PAK1: variants seen among roughly 807,000 people sequenced by gnomAD.
PAK1 encodes p21 (RAC1) activated kinase 1.
Under a neutral mutation model 67.4 loss-of-function variants are expected in PAK1, and 29 were observed. The ratio of observed to expected loss-of-function variants is 0.43; its 90% confidence interval spans 0.32 to 0.59. PAK1 has a LOEUF of 0.59. Ranked by LOEUF, PAK1 falls within the 20% of genes least tolerant of loss-of-function variation. The pLI, the probability that PAK1 is intolerant of heterozygous loss-of-function variation, is 0.07. For missense variants in PAK1, 337 were observed against 670.7 expected, an observed-to-expected ratio of 0.50 and a Z score of 5.50; for synonymous variants, 223 against 237.4, an observed-to-expected ratio of 0.94 and a Z score of 0.56.
At chr11:77,505,039 A>G in the PAK1 span, among the ~76,000 whole-genome samples, 1 of 152,246 alleles carries the variant, frequency 6.6e-6, no homozygotes, top group African/African-American at 2.4e-5. Flanking sequence ...ACAAGGCTAA[A>G]ACTGCTTCTC....
intron 1 of PAK1, among the ~76,000 whole-genome samples, chr11:77,408,567 A>ACT (rs1954004686): frequency 6.6e-6 from 1 of 151,110 alleles, no homozygotes; most frequent in Non-Finnish European, 1.5e-5. Context: ...ACACACACAC[A>ACT]CACTCCACAT....
Position 77,325,408 on chromosome 11 carries a change from C to T in PAK1, c.1552-2048G>A, listed in dbSNP as rs534432502. The T allele has an allele frequency of 6.2e-6, 10 of 1,609,070 alleles. No individual in the cohort carries two copies. In the Admixed American group the frequency reaches 1.5e-4, roughly 24 times the overall value. ...AAATGAGAATAGAACCTATGACTCA[C>T]AGAGTTGTTGTAAAGGACAATATAT... On this transcript the variant is annotated intron_variant, in intron 14 of 14. Coordinates refer to ENST00000356341, the MANE Select transcript of PAK1 (RefSeq NM_002576.5).
At chr11:77,449,604 G>A (rs1239093475) in intron 1 of PAK1, among the ~76,000 whole-genome samples, 1 of 149,818 alleles carries the variant, frequency 6.7e-6, no homozygotes, top group African/African-American at 2.5e-5. Context: ...AATGAGACAC[G>A]AAGATCTTTA....
chr11:77,489,655 T>C, the PAK1 span, among the ~76,000 whole-genome samples: 1 of 151,942 alleles, frequency 6.6e-6, no homozygotes, highest in Non-Finnish European at 1.5e-5. Flanking sequence ...TTCACTGTGT[T>C]GGCCGGGCTG....
chr11:77,446,319 C>T (rs554072447), intron 1 of PAK1, among the ~76,000 whole-genome samples: 36 of 152,124 alleles, frequency 2.4e-4, no homozygotes, highest in African/African-American at 7.9e-4. Flanking sequence ...CGAGACCAGC[C>T]TGGCCAACAT....
chr11:77,417,555 T>A (rs1955035061), intron 1 of PAK1, among the ~76,000 whole-genome samples: 1 of 152,194 alleles, frequency 6.6e-6, no homozygotes, highest in Non-Finnish European at 1.5e-5. Flanking sequence ...TAATCGTGGA[T>A]ACACATACTA....
intron 1 of PAK1, among the ~76,000 whole-genome samples, chr11:77,436,371 T>A (rs1416863206): frequency 6.6e-6 from 1 of 152,218 alleles, no homozygotes; most frequent in East Asian, 1.9e-4. Context: ...ATGATAGGCA[T>A]GTGGCAAGCA....
the PAK1 span, among the ~76,000 whole-genome samples, chr11:77,512,997 G>A: frequency 0.016 from 2,374 of 152,268 alleles, 55 homozygotes; most frequent in African/African-American, 0.055. Flanking sequence ...GGGAAGCTGA[G>A]GTGGGAGGAT....
chr11:77,394,647 C>A (rs957671133), intron 1 of PAK1, among the ~76,000 whole-genome samples: 27 of 152,084 alleles, frequency 1.8e-4, no homozygotes, highest in African/African-American at 6.5e-4. Context: ...GAGATTGAGA[C>A]CATCCTGGCC....
In PAK1 at chr11:77,325,444, G is replaced by C. The variant is rs1399690890; in HGVS notation, c.1552-2084C>G. 2.6e-6 allele frequency: 4 copies of C among 1,513,652 alleles called. No individual in the cohort carries two copies. The African/African-American group carries it at 4.1e-5, about 16-fold the overall frequency. The allele number at this position is 1,513,652 out of a possible 1,614,324, so 93.8% of individuals were successfully genotyped here. A position where few individuals can be genotyped will look rare whatever the true frequency, so the allele number is the denominator to read the frequency against. Reference sequence around the variant, plus strand: ...TAAAGGACAATATATAAAGTGCTTAGTGCCTAAATATATAAAGTGTTTAGT... The same window carrying C: ...TAAAGGACAATATATAAAGTGCTTACTGCCTAAATATATAAAGTGTTTAGT... On this transcript the variant is annotated intron_variant, in intron 14 of 14. Coordinates refer to ENST00000356341, the MANE Select transcript of PAK1 (RefSeq NM_002576.5).
chr11:77,498,097 A>G, the PAK1 span, among the ~76,000 whole-genome samples: 2 of 152,198 alleles, frequency 1.3e-5, no homozygotes, highest in Admixed American at 1.3e-4. Context: ...AACGTAGAAC[A>G]GAAAAAGGAC....
intron 13 of PAK1, among the ~76,000 whole-genome samples, chr11:77,333,297 A>C (rs1942064988): frequency 6.7e-6 from 1 of 149,118 alleles, no homozygotes; most frequent in Admixed American, 6.8e-5. Flanking sequence ...TCCCAGGTTC[A>C]AGCAATTCTC....
At chr11:77,355,548 C>T in intron 7 of PAK1, 120 bp downstream of exon 7, 1 of 752,278 alleles carries the variant, frequency 1.3e-6, no homozygotes, top group Non-Finnish European at 2.3e-6. Flanking sequence ...GAGAAGCAGT[C>T]TGTGCCTAAG....
chr11:77,447,996 C>T (rs186996388), intron 1 of PAK1, among the ~76,000 whole-genome samples: 1 of 152,326 alleles, frequency 6.6e-6, no homozygotes, highest in East Asian at 1.9e-4. Context: ...GCATTAAACA[C>T]ATCTACATAC....
At chr11:77,366,572 T>A (rs1947613917) in intron 5 of PAK1, among the ~76,000 whole-genome samples, 1 of 152,186 alleles carries the variant, frequency 6.6e-6, no homozygotes, top group Non-Finnish European at 1.5e-5. Flanking sequence ...GTAGATTGTA[T>A]ATAAATGGCC....
chr11:77,386,562 C>G (rs1029869586), intron 2 of PAK1, among the ~76,000 whole-genome samples: 5 of 152,144 alleles, frequency 3.3e-5, no homozygotes, highest in African/African-American at 1.2e-4. Context: ...TATGCATCCC[C>G]CAGGCACATA....
chr11:77,417,844 C>T (rs577738961), intron 1 of PAK1, among the ~76,000 whole-genome samples: 4 of 151,956 alleles, frequency 2.6e-5, no homozygotes, highest in African/African-American at 2.4e-5. Flanking sequence ...AAGCAATCCT[C>T]GTGCCTCAGC....
chr11:77,484,436 C>G, the PAK1 span, among the ~76,000 whole-genome samples: 1 of 152,126 alleles, frequency 6.6e-6, no homozygotes, highest in Non-Finnish European at 1.5e-5. Flanking sequence ...AACCTGTATT[C>G]TAAGCTCGTT....
At chr11:77,407,622 C>T (rs1428296281) in intron 1 of PAK1, among the ~76,000 whole-genome samples, 1 of 152,190 alleles carries the variant, frequency 6.6e-6, no homozygotes, top group African/African-American at 2.4e-5. Flanking sequence ...CTGATCCTCA[C>T]CAACCCTATG....
Sources: allele counts gnomAD v4.1 joint callset (sites outside exome capture counted in the v4.1 genomes callset), GRCh38; gene constraint gnomAD v4.1.1; transcripts MANE v1.5; gene names NCBI Gene and HGNC (gene_info 2026-07-23, HGNC 2026-07-21).